Variants in SLC12A3 observed in about 807,000 individuals in gnomAD.
SLC12A3 encodes Na-Cl cotransporter.
In SLC12A3, 104 loss-of-function variants were observed where a neutral mutation model predicts 121.0. That is an observed-to-expected ratio of 0.86 (90% confidence interval 0.73 to 1.01). SLC12A3 has a LOEUF of 1.01. Among genes scored for constraint, SLC12A3 ranks in the 50% least tolerant of loss-of-function variants. The pLI is 0.00. For missense variants in SLC12A3, 1,328 were observed against 1,356.3 expected (o/e 0.98, Z 0.33); for synonymous variants, 536 against 533.4 (o/e 1.00, Z -0.07).
chr16:56,899,668 G>A lies in SLC12A3; in HGVS notation c.2720+52G>A, dbSNP rs750377277. On this transcript the variant is annotated intron_variant, in intron 23 of 25. Transcript: ENST00000563236. ...CAGAAGGGCCAACTGTGTGCCTGGA[G>A]ACCCCTCTGCCGGCTGCCCCCTTTT... 2.3e-6 allele frequency: 3 copies of A among 1,316,454 alleles called. No homozygotes were observed. The East Asian group carries it at 6.9e-5, about 30-fold the overall frequency. 81.5% of individuals were successfully genotyped at this position (1,316,454 alleles called of 1,614,324 possible). A position where few individuals can be genotyped will look rare whatever the true frequency, so the allele number is the denominator to read the frequency against.
chr16:56,868,504 G>A (rs2144685646), intron 3 of SLC12A3, 132 bp downstream of exon 3: 1 of 884,202 alleles, frequency 1.1e-6, no homozygotes, highest in Admixed American at 2.0e-5. Flanking sequence ...AAACGGCCAG[G>A]CCTTCTCCTC....
At chr16:56,877,815 T>C (rs1221050082) in intron 8 of SLC12A3, among the ~76,000 whole-genome samples, 1 of 152,226 alleles carries the variant, frequency 6.6e-6, no homozygotes. Flanking sequence ...CTGCCTCCAT[T>C]TCCCAGGGCC....
chr16:56,869,936 G>T, intron 4 of SLC12A3, 112 bp downstream of exon 4: 1 of 1,366,534 alleles, frequency 7.3e-7, no homozygotes, highest in East Asian at 2.3e-5. Flanking sequence ...CTGTGGTTCC[G>T]GGAGAGGGCT....
At position 56,913,375 on chromosome 16, in the gene SLC12A3, G is replaced by A; in HGVS notation, c.3036G>A (p.Gln1012=). Residue 1012 remains glutamine, a synonymous_variant, in exon 26 of 26, where the codon CAG becomes CAA. Coordinates refer to ENST00000563236, the MANE Select transcript of SLC12A3 (RefSeq NM_001126108.2). ...CAGTCATCCTGATCCGAGGAAACCAGGAAAACGTGCTCACCTTTTACTGCC... is the reference window on the plus strand; with the variant it reads ...CAGTCATCCTGATCCGAGGAAACCAAGAAAACGTGCTCACCTTTTACTGCC... ...RPPVILIRGN[Q]ENVLTFYCQ 1 of 1,614,214 alleles carries A rather than the reference G, an allele frequency of 6.2e-7. No homozygotes were observed. Among genetic ancestry groups the A allele is most frequent in the Non-Finnish European group, 8.5e-7 (1 of 1,180,048 alleles).
chr16:56,898,323 C>T (rs1377664909), intron 22 of SLC12A3, among the ~76,000 whole-genome samples: 1 of 152,062 alleles, frequency 6.6e-6, no homozygotes, highest in Non-Finnish European at 1.5e-5. Flanking sequence ...GTCTGGAGTG[C>T]AGTCGGCTCA....
At position 56,915,734 on chromosome 16, in the gene SLC12A3, T is replaced by C. The variant is rs2055742120; in HGVS notation, c.*2329T>C. 6.6e-6 allele frequency: 1 copy of C among 152,130 alleles called. No individual in the cohort carries two copies. Among genetic ancestry groups the C allele is most frequent in the South Asian group, 2.1e-4 (1 of 4,832 alleles). 9.4% of individuals were successfully genotyped at this position (152,130 alleles called of 1,614,324 possible). On this transcript the variant is annotated 3_prime_UTR_variant, in exon 26 of 26. Coordinates refer to ENST00000563236, the MANE Select transcript of SLC12A3 (RefSeq NM_001126108.2). ...GGTGTCAAAAAAAAAATTTTCACGA[T>C]GTCAGAAATAGTATGTTTTTAACAA...
rs538668071 is a variant in SLC12A3, at chr16:56,913,208, G to A, written c.2925-56G>A. ...GTTCTGAAAACAAACTGGGAGCTGG[G>A]CGTGTGGAGCGGCCCCGTGGTAATC... is the stretch of plus-strand genomic sequence containing the variant. On this transcript the variant is annotated intron_variant, in intron 25 of 25. Coordinates refer to ENST00000563236, the MANE Select transcript of SLC12A3 (RefSeq NM_001126108.2). 5.1e-5 allele frequency: 82 copies of A among 1,612,524 alleles called. 2 individuals are homozygous for A. In the South Asian group the frequency reaches 8.6e-4, roughly 17 times the overall value.
At chr16:56,874,942 C>T (rs1188074050) in intron 8 of SLC12A3, among the ~76,000 whole-genome samples, 13 of 152,220 alleles carry the variant, frequency 8.5e-5, no homozygotes, top group Non-Finnish European at 1.8e-4. Flanking sequence ...GGCTCCTCTC[C>T]TTTTTCTGGG....
intron 9 of SLC12A3, among the ~76,000 whole-genome samples, chr16:56,878,797 C>T (rs1441471494): frequency 1.3e-5 from 2 of 152,120 alleles, no homozygotes; most frequent in African/African-American, 2.4e-5. Flanking sequence ...TCCAGGTCTC[C>T]GATCTAAGGA....
Position 56,883,858 on chromosome 16 carries a change from C to G in SLC12A3, c.1670-191C>G, listed in dbSNP as rs374182921. 6.6e-6 allele frequency among the ~76,000 whole-genome samples: 1 copy of G among 152,214 alleles called. No individual in the cohort carries two copies. Among genetic ancestry groups the G allele is most frequent in the Admixed American group, 6.5e-5 (1 of 15,284 alleles). On this transcript the variant is annotated intron_variant, in intron 13 of 25. Transcript: ENST00000563236. ...CTGGTGAAATGCCAGCCAAAGCAGGCGTGTGATTTGCCCCAGAGCCTGTAG... is the reference window on the plus strand; with the variant it reads ...CTGGTGAAATGCCAGCCAAAGCAGGGGTGTGATTTGCCCCAGAGCCTGTAG...
intron 21 of SLC12A3, among the ~76,000 whole-genome samples, chr16:56,893,696 C>A (rs762401292): frequency 6.6e-6 from 1 of 152,180 alleles, no homozygotes; most frequent in African/African-American, 2.4e-5. Flanking sequence ...GGCTCCCACA[C>A]GCTGGTCAAA....
rs752390030 is a variant in SLC12A3 at position 56,888,049 on chromosome 16, A to T, written c.2285+18A>T. On this transcript the variant is annotated intron_variant, in intron 18 of 25. Coordinates refer to ENST00000563236, the MANE Select transcript of SLC12A3 (RefSeq NM_001126108.2). ...ATCCTCCAGTGAGTCGGGGGAGAGG[A>T]AGGGGCTTGGGGTCTGTTAATTTGG... 15 of 1,579,436 alleles carry T rather than the reference A, an allele frequency of 9.5e-6. No homozygotes were observed. In the South Asian group the frequency reaches 1.3e-4, roughly 14 times the overall value.
rs1365931308 is a variant in SLC12A3 at position 56,867,180 on chromosome 16, G to T, written c.393G>T (p.Glu131Asp). 1 of 1,613,678 alleles carries T rather than the reference G, an allele frequency of 6.2e-7. No individual in the cohort carries two copies. The highest frequency in any genetic ancestry group is 1.7e-5 in the Admixed American group (1 of 59,936). The change falls in exon 2 of 26, where the codon GAG becomes GAT. Residue 131 changes from glutamate to aspartate, a missense_variant. By Grantham distance (45) the Glu-to-Asp change is conservative. Coordinates refer to ENST00000563236, the MANE Select transcript of SLC12A3 (RefSeq NM_001126108.2). Reference sequence around the variant, plus strand: ...GCACCAGCAGCGAGAAGAACCCCGAGGAGCCAGTGCGCTTCGGCTGGGTCA... The same window carrying T: ...GCACCAGCAGCGAGAAGAACCCCGATGAGCCAGTGCGCTTCGGCTGGGTCA... ...EAGTSSEKNP[E>D]EPVRFGWVKG...
chr16:56,897,933 G>C (rs1401157142), intron 22 of SLC12A3, among the ~76,000 whole-genome samples: 1 of 152,176 alleles, frequency 6.6e-6, no homozygotes, highest in Non-Finnish European at 1.5e-5. Flanking sequence ...CACTCCCCAA[G>C]ATCAGGGACC....
intron 17 of SLC12A3, among the ~76,000 whole-genome samples, chr16:56,887,365 C>T (rs528620539): frequency 4.6e-5 from 7 of 152,186 alleles, no homozygotes; most frequent in Non-Finnish European, 7.4e-5. Flanking sequence ...CCACCACACC[C>T]GGCTAGTTTT....
chr16:56,884,121 T>C lies in SLC12A3; in HGVS notation c.1742T>C (p.Met581Thr), dbSNP rs146191537. The C allele has an allele frequency of 4.0e-5, 65 of 1,614,128 alleles. No individual in the cohort carries two copies. The highest frequency in any genetic ancestry group is 5.4e-5 in the Non-Finnish European group (64 of 1,180,038). Reference protein sequence around the residue: ...LFGAIISVVIMFLLTWWAALI... With the variant: ...LFGAIISVVITFLLTWWAALI... ...GGGGCTATCATCTCCGTGGTCATCATGTTCCTCCTCACCTGGTGGGCGGCC... is the reference window on the plus strand; with the variant it reads ...GGGGCTATCATCTCCGTGGTCATCACGTTCCTCCTCACCTGGTGGGCGGCC... Residue 581 changes from methionine to threonine, a missense_variant, in exon 14 of 26, where the codon ATG becomes ACG. Met to Thr is a moderately conservative substitution (Grantham distance 81, BLOSUM62 -1). Coordinates refer to ENST00000563236, the MANE Select transcript of SLC12A3 (RefSeq NM_001126108.2).
chr16:56,900,529 T>A (rs1438677771), intron 23 of SLC12A3, among the ~76,000 whole-genome samples: 2 of 151,274 alleles, frequency 1.3e-5, no homozygotes, highest in Non-Finnish European at 2.9e-5. Flanking sequence ...TTTTATTTAT[T>A]TATTTATTTA....
At chr16:56,870,984 G>A (rs547229869) in intron 6 of SLC12A3, among the ~76,000 whole-genome samples, 1 of 152,096 alleles carries the variant, frequency 6.6e-6, no homozygotes, top group East Asian at 1.9e-4. Flanking sequence ...ACAGGCACCT[G>A]CCACCACACC....
chr16:56,906,802 G>A, intron 25 of SLC12A3: 1 of 715,474 alleles, frequency 1.4e-6, no homozygotes. Flanking sequence ...CCCAAACATA[G>A]ACTTGCAAGA....
Sources: gnomAD v4.1 joint callset for allele counts (sites outside exome capture counted in the v4.1 genomes callset) on GRCh38, gnomAD v4.1.1 for gene constraint, MANE v1.5 for transcripts, NCBI Gene and HGNC (gene_info 2026-07-23, HGNC 2026-07-21) for gene names.